The following ZNF654 variants were observed in gnomAD, a reference collection of about 807,000 sequenced individuals.
The protein encoded by ZNF654 is zinc finger protein 654, also known as melanoma-associated antigen.
A neutral mutation model predicts 95.3 loss-of-function variants in ZNF654; 19 were observed. That is an observed-to-expected ratio of 0.20 (90% CI 0.14 to 0.29). ZNF654 has a LOEUF of 0.29. ZNF654 is among the 10% of genes least tolerant of loss of function. ZNF654 has a pLI of 1.00. For missense variants in ZNF654, 1,046 were observed against 1,341.0 expected, an observed-to-expected ratio of 0.78 and a Z score of 3.44; for synonymous variants, 413 against 457.9, an observed-to-expected ratio of 0.90 and a Z score of 1.25.
chr3:88,083,967 A>ATATATATATATATATATG (rs1559698507), intron 1 of ZNF654, among the ~76,000 whole-genome samples: 3 of 93,168 alleles, frequency 3.2e-5, no homozygotes, highest in Non-Finnish European at 4.8e-5. Flanking sequence ...ATATATATAT[A>ATATATATATATATATATG]GAAAATATTT....
intron 3 of ZNF654, among the ~76,000 whole-genome samples, chr3:88,116,926 G>C (rs1419397350): frequency 2.0e-5 from 3 of 152,180 alleles, no homozygotes; most frequent in Non-Finnish European, 4.4e-5. Flanking sequence ...TCTAGGTAAA[G>C]ATGACTAAAG....
At chr3:88,136,621 A>T (rs1211537579) in intron 7 of ZNF654, among the ~76,000 whole-genome samples, 1 of 152,122 alleles carries the variant, frequency 6.6e-6, no homozygotes, top group Non-Finnish European at 1.5e-5. Context: ...GTTTTTCACA[A>T]CCATCTGGTG....
intron 2 of ZNF654, among the ~76,000 whole-genome samples, chr3:88,089,617 A>G (rs903341604): frequency 1.3e-5 from 2 of 152,182 alleles, no homozygotes; most frequent in Admixed American, 6.5e-5. Context: ...TCATCTAGAA[A>G]CTGTTTCTTT....
rs1706850558 is a variant in ZNF654 at position 88,061,025 on chromosome 3, T to A, written c.186+1520T>A. ...GAAAATGTATTTTTATTTTGATAAT[T>A]GGCATTCACTTTTATTTTGATAATT... On this transcript the variant is annotated intron_variant, in intron 1 of 8. Transcript: ENST00000636215. Among the ~76,000 whole-genome samples, 3 of 152,278 alleles carry A rather than the reference T, an allele frequency of 2.0e-5. No individual in the cohort carries two copies. In the South Asian group the frequency reaches 6.2e-4, roughly 32 times the overall value.
chr3:88,118,941 T>C (rs1705583435), intron 3 of ZNF654, among the ~76,000 whole-genome samples: 1 of 149,414 alleles, frequency 6.7e-6, no homozygotes, highest in African/African-American at 2.5e-5. Context: ...TTGGTGGGAC[T>C]GTAAACTAGT....
intron 6 of ZNF654, among the ~76,000 whole-genome samples, chr3:88,134,797 C>A (rs1706673651): frequency 6.6e-6 from 1 of 151,980 alleles, no homozygotes; most frequent in Non-Finnish European, 1.5e-5. Flanking sequence ...CTGTTTTGAT[C>A]TGATACTGGA....
intron 4 of ZNF654, among the ~76,000 whole-genome samples, chr3:88,126,944 G>A (rs181917626): frequency 1.1e-4 from 16 of 152,024 alleles, no homozygotes; most frequent in African/African-American, 2.4e-4. Flanking sequence ...ATTTAACAGC[G>A]GTCCTTTGTA....
intron 6 of ZNF654, among the ~76,000 whole-genome samples, chr3:88,130,321 G>A (rs1176612269): frequency 3.3e-5 from 5 of 151,978 alleles, no homozygotes; most frequent in Admixed American, 6.6e-5. Context: ...AGAAAACTAG[G>A]TTTTATTTGC....
At chr3:88,134,962 A>G (rs1474889343) in intron 6 of ZNF654, 99 bp from the exon 7 acceptor site, 5 of 822,614 alleles carry the variant, frequency 6.1e-6, no homozygotes, top group Admixed American at 4.1e-5. Flanking sequence ...ACACTCATAT[A>G]CATCCCAGCC....
chr3:88,090,195 C>G (rs1003341923), intron 2 of ZNF654, among the ~76,000 whole-genome samples: 13 of 152,278 alleles, frequency 8.5e-5, no homozygotes, highest in African/African-American at 2.9e-4. Flanking sequence ...GCAGGTTCTT[C>G]TGAAGGCATT....
chr3:88,076,369 AT>A (rs577664673), intron 1 of ZNF654, among the ~76,000 whole-genome samples: 55 of 151,992 alleles, frequency 3.6e-4, no homozygotes, highest in Admixed American at 7.9e-4. Context: ...AACATCTATA[AT>A]TTTTTTTCCC....
chr3:88,123,948 A>G (rs973448875), intron 3 of ZNF654, among the ~76,000 whole-genome samples: 2 of 152,178 alleles, frequency 1.3e-5, no homozygotes, highest in Non-Finnish European at 2.9e-5. Context: ...GTTTTAACCC[A>G]TGAAGCTGTT....
intron 1 of ZNF654, among the ~76,000 whole-genome samples, chr3:88,065,856 C>A (rs915640385): frequency 3.3e-5 from 5 of 152,072 alleles, no homozygotes; most frequent in South Asian, 2.1e-4. Context: ...CAGCCCCCAC[C>A]CCCAGTAGCT....
At chr3:88,077,331 A>ATTTTT (rs372006323) in intron 1 of ZNF654, among the ~76,000 whole-genome samples, 1 of 139,694 alleles carries the variant, frequency 7.2e-6, no homozygotes, top group African/African-American at 2.7e-5. Flanking sequence ...GCAGACTTAA[A>ATTTTT]TTGTTTTTTT....
At position 88,129,313 on chromosome 3, in the gene ZNF654, G is replaced by T. The variant is rs569388118; in HGVS notation, c.753+302G>T. On this transcript the variant is annotated intron_variant, in intron 5 of 8. Transcript: ENST00000636215. ...ATAAAAGTCAACAAGCTCACAGCTTGCCAGGAGTAAAAAAAAAAAAAAAAA... is the reference window on the plus strand; with the variant it reads ...ATAAAAGTCAACAAGCTCACAGCTTTCCAGGAGTAAAAAAAAAAAAAAAAA... Among the ~76,000 whole-genome samples, 12 of 111,516 alleles carry T rather than the reference G, an allele frequency of 1.1e-4. No individual in the cohort carries two copies. The South Asian group carries it at 4.0e-3, about 37-fold the overall frequency. 73.2% of individuals were successfully genotyped at this position (111,516 alleles called of 152,430 possible). A position where few individuals can be genotyped will look rare whatever the true frequency, so the allele number is the denominator to read the frequency against.
rs1706337784 is a variant in ZNF654 at position 88,129,800 on chromosome 3, C to T, written c.867C>T (p.Leu289=). The change falls in exon 6 of 9, where the codon CTC becomes CTT. Residue 289 remains leucine, a synonymous_variant. Coordinates refer to ENST00000636215, the MANE Select transcript of ZNF654 (RefSeq NM_001350134.2). ...GTGAATCCTTTCTTATTCCACAGCT[C>T]CAGAATGGGGATATGTACTGTATCT... ...QLCESFLIPQ[L]QNGDMYCIWE... is the part of the protein sequence containing the mutation. 1 of 1,524,338 alleles carries T rather than the reference C, an allele frequency of 6.6e-7. No homozygotes were observed. The highest frequency in any genetic ancestry group is 2.0e-5 in the Admixed American group (1 of 50,628). 94.4% of individuals were successfully genotyped at this position (1,524,338 alleles called of 1,614,324 possible). A position where few individuals can be genotyped will look rare whatever the true frequency, so the allele number is the denominator to read the frequency against.
At chr3:88,061,456 A>G (rs1706879688) in intron 1 of ZNF654, among the ~76,000 whole-genome samples, 2 of 152,218 alleles carry the variant, frequency 1.3e-5, no homozygotes, top group South Asian at 2.1e-4. Flanking sequence ...TTAGACTGAC[A>G]TACTTTCATG....
intron 1 of ZNF654, among the ~76,000 whole-genome samples, chr3:88,082,108 C>T (rs975443383): frequency 7.9e-5 from 12 of 151,762 alleles, no homozygotes; most frequent in Non-Finnish European, 1.5e-4. Context: ...AATTGTGACA[C>T]GTCTTCTGGT....
Position 88,061,800 on chromosome 3 carries a change from T to C in ZNF654, c.186+2295T>C, listed in dbSNP as rs192342494. ...CTGAGGCTAATATTAAGTATAATAA[T>C]TTGTTTTTATTAGTGAATGACTTAA... is the stretch of plus-strand genomic sequence containing the variant. On this transcript the variant is annotated intron_variant, in intron 1 of 8. Transcript: ENST00000636215. Among the ~76,000 whole-genome samples the C allele has an allele frequency of 5.3e-3, 811 of 152,310 alleles. 5 individuals are homozygous for C. The highest frequency in any genetic ancestry group is 0.017 in the African/African-American group (696 of 41,566).
Sources: gnomAD v4.1 joint callset for allele counts (sites outside exome capture counted in the v4.1 genomes callset) on GRCh38, gnomAD v4.1.1 for gene constraint, MANE v1.5 for transcripts, NCBI Gene and HGNC (gene_info 2026-07-23, HGNC 2026-07-21) for gene names.